The following SCFD2 variants were observed in gnomAD, a reference collection of about 807,000 sequenced individuals.
SCFD2 encodes the protein sec1 family domain containing 2.
A neutral mutation model predicts 58.9 loss-of-function variants in SCFD2; 54 were observed. The observed-to-expected ratio is 0.92, with a 90% CI of 0.74 to 1.15. The LOEUF is 1.15. Among genes scored for constraint, SCFD2 ranks in the 50% most tolerant of loss-of-function variants. The probability of loss-of-function intolerance (pLI) is 0.00; values close to 1 mark genes in which losing one functional copy is unlikely to be tolerated. For missense variants in SCFD2, 805 were observed against 836.6 expected (o/e 0.96, Z 0.47); for synonymous variants, 321 against 335.9 (o/e 0.96, Z 0.49).
At chr4:53,164,788 CA>C (rs767167356) in intron 4 of SCFD2, among the ~76,000 whole-genome samples, 55 of 97,650 alleles carry the variant, frequency 5.6e-4, no homozygotes, top group African/African-American at 1.1e-3. Context: ...TCTGGAGTCT[CA>C]AAAAAAAAAA....
chr4:53,212,634 T>C (rs2148982827), intron 4 of SCFD2, among the ~76,000 whole-genome samples: 1 of 149,238 alleles, frequency 6.7e-6, no homozygotes, highest in Non-Finnish European at 1.5e-5. Context: ...TGTGTTGACG[T>C]GGAAGGGATA....
At chr4:53,266,713 T>G (rs192632053) in intron 4 of SCFD2, among the ~76,000 whole-genome samples, 10 of 152,322 alleles carry the variant, frequency 6.6e-5, no homozygotes, top group African/African-American at 2.4e-4. Context: ...CACTTTAAAT[T>G]TGAAGCAAAA....
intron 2 of SCFD2, among the ~76,000 whole-genome samples, chr4:53,335,194 C>CAAAAAAAAAAAAAAAAAAAAA (rs56344451): frequency 7.4e-5 from 6 of 80,604 alleles, no homozygotes; most frequent in Non-Finnish European, 1.2e-4. Flanking sequence ...GACTCCGTCT[C>CAAAAAAAAAAAAAAAAAAAAA]AAAAAAAAAA....
intron 3 of SCFD2, among the ~76,000 whole-genome samples, chr4:53,309,498 A>AT (rs1394389477): frequency 6.6e-6 from 1 of 152,172 alleles, no homozygotes; most frequent in Non-Finnish European, 1.5e-5. Context: ...AGGATTAGGA[A>AT]TCCCAAATAC....
intron 8 of SCFD2, among the ~76,000 whole-genome samples, chr4:52,883,254 G>A (rs1280919865): frequency 6.6e-6 from 1 of 152,164 alleles, no homozygotes; most frequent in Non-Finnish European, 1.5e-5. Flanking sequence ...GCAGCTGTGT[G>A]TCTGTCAAGG....
At chr4:53,023,108 G>A (rs1162597360) in intron 5 of SCFD2, among the ~76,000 whole-genome samples, 3 of 152,122 alleles carry the variant, frequency 2.0e-5, no homozygotes, top group African/African-American at 7.2e-5. Context: ...AGAGAGTTTA[G>A]GAAATACTTA....
intron 3 of SCFD2, among the ~76,000 whole-genome samples, chr4:53,293,666 T>A (rs187839587): frequency 6.6e-6 from 1 of 152,274 alleles, no homozygotes; most frequent in Admixed American, 6.5e-5. Context: ...AGTGCTAACA[T>A]CATAATCAAT....
chr4:53,293,618 A>C (rs1731918510), intron 3 of SCFD2, among the ~76,000 whole-genome samples: 1 of 152,218 alleles, frequency 6.6e-6, no homozygotes, highest in South Asian at 2.1e-4. Context: ...ATGTGCAGAA[A>C]GTTCCTCAAC....
chr4:53,193,383 A>G (rs1727971519), intron 4 of SCFD2, among the ~76,000 whole-genome samples: 1 of 152,208 alleles, frequency 6.6e-6, no homozygotes, highest in Admixed American at 6.5e-5. Flanking sequence ...GAATACAAGT[A>G]TATTCTGGTA....
At chr4:53,183,917 G>C (rs1456326755) in intron 4 of SCFD2, among the ~76,000 whole-genome samples, 1 of 152,084 alleles carries the variant, frequency 6.6e-6, no homozygotes, top group Admixed American at 6.6e-5. Flanking sequence ...ATGACACACA[G>C]AACAGTTAAT....
In SCFD2 at chr4:53,365,009, T is replaced by G. The variant is rs1332300152; in HGVS notation, c.838+95A>C. On this transcript the variant is annotated intron_variant, in intron 1 of 8. Transcript: ENST00000401642. The surrounding 1 kb of genome is among the most constrained non-coding windows in gnomAD (Gnocchi z 4.3). ...GTTCATCTTTGTATCCTCAATCTAA[T>G]ATATAATAAAAGGTCAATAAAATAT... 12 of 1,402,742 alleles carry G rather than the reference T, an allele frequency of 8.6e-6. No homozygotes were observed. In the Admixed American group the frequency reaches 9.0e-5, roughly 11 times the overall value. The allele number at this position is 1,402,742 out of a possible 1,614,324, so 86.9% of individuals were successfully genotyped here.
At chr4:53,177,360 TAA>T (rs1399163758) in intron 4 of SCFD2, among the ~76,000 whole-genome samples, 1 of 151,950 alleles carries the variant, frequency 6.6e-6, no homozygotes, top group Non-Finnish European at 1.5e-5. Flanking sequence ...CTGGAGGAAG[TAA>T]AGACCATGCA....
At chr4:53,147,906 T>C (rs1201068444) in intron 4 of SCFD2, among the ~76,000 whole-genome samples, 3 of 152,172 alleles carry the variant, frequency 2.0e-5, no homozygotes, top group African/African-American at 7.2e-5. Context: ...GCAAACTTGC[T>C]CTAGAGGAAC....
At chr4:53,295,032 G>A (rs1250942504) in intron 3 of SCFD2, among the ~76,000 whole-genome samples, 2 of 152,124 alleles carry the variant, frequency 1.3e-5, no homozygotes, top group Non-Finnish European at 2.9e-5. Flanking sequence ...TGCTGTTTTG[G>A]TTACTATAGC....
chr4:53,232,853 T>TTCCA (rs1729480709), intron 4 of SCFD2, among the ~76,000 whole-genome samples: 1 of 152,182 alleles, frequency 6.6e-6, no homozygotes, highest in Non-Finnish European at 1.5e-5. Context: ...TGTCCACTTC[T>TTCCA]GCTGTGAGTC....
At chr4:53,214,205 G>T (rs1214934596) in intron 4 of SCFD2, among the ~76,000 whole-genome samples, 1 of 152,104 alleles carries the variant, frequency 6.6e-6, no homozygotes, top group African/African-American at 2.4e-5. Context: ...GGTATTTCTA[G>T]TTCCAGATCC....
chr4:52,943,750 C>T (rs1720350879), intron 5 of SCFD2, among the ~76,000 whole-genome samples: 3 of 152,108 alleles, frequency 2.0e-5, no homozygotes, highest in Admixed American at 1.3e-4. Context: ...ACATTCAAAC[C>T]AAACCCTAGC....
intron 4 of SCFD2, among the ~76,000 whole-genome samples, chr4:53,246,487 G>A: frequency 6.6e-6 from 1 of 152,056 alleles, no homozygotes; most frequent in African/African-American, 2.4e-5. Context: ...TGGTACTAGT[G>A]CAAAAACAGA....
chr4:53,183,826 G>A (rs1727658320), intron 4 of SCFD2, among the ~76,000 whole-genome samples: 1 of 152,132 alleles, frequency 6.6e-6, no homozygotes, highest in Non-Finnish European at 1.5e-5. Context: ...GAACAAAGTT[G>A]TACTAGCTTT....
Sources: allele counts gnomAD v4.1 joint callset (sites outside exome capture counted in the v4.1 genomes callset), GRCh38; gene constraint gnomAD v4.1.1; non-coding constraint Gnocchi (gnomAD v3.1); transcripts MANE v1.5; gene names NCBI Gene and HGNC (gene_info 2026-07-23, HGNC 2026-07-21).